DICER1: variants seen among roughly 807,000 people sequenced by gnomAD.
DICER1 encodes the protein dicer 1, ribonuclease III.
A neutral mutation model predicts 194.1 loss-of-function variants in DICER1; 43 were observed. The ratio of observed to expected loss-of-function variants is 0.22; its 90% CI spans 0.17 to 0.29. The LOEUF is 0.29. DICER1 is among the 10% of genes least tolerant of loss of function. The pLI is 1.00. For missense variants in DICER1, 1,608 were observed against 2,317.0 expected (o/e 0.69, Z 6.28); for synonymous variants, 832 against 820.5 (o/e 1.01, Z -0.24).
At chr14:95,121,897 T>G (rs1049374932) in intron 8 of DICER1, among the ~76,000 whole-genome samples, 3 of 152,202 alleles carry the variant, frequency 2.0e-5, no homozygotes, top group Non-Finnish European at 4.4e-5. Context: ...GTGATTTATT[T>G]TTTTTAATTA....
At chr14:95,148,709 CAGGCTGCAAGCCAA>C (rs1159547189) in intron 1 of DICER1, among the ~76,000 whole-genome samples, 3 of 152,180 alleles carry the variant, frequency 2.0e-5, no homozygotes, top group African/African-American at 7.2e-5. Context: ...GAAGTGTCTC[CAGGCTGCAAGCCAA>C]AGGTCCGCTT....
At position 95,154,920 on chromosome 14, in the gene DICER1, G is replaced by A. The variant is rs554515544; in HGVS notation, c.-46+2310C>T. 3.3e-5 allele frequency among the ~76,000 whole-genome samples: 5 copies of A among 150,306 alleles called. No homozygotes were observed. The South Asian group carries it at 8.4e-4, about 25-fold the overall frequency. On this transcript the variant is annotated intron_variant, in intron 1 of 26. Coordinates refer to ENST00000343455, the MANE Select transcript of DICER1 (RefSeq NM_177438.3). ...TATTCAAATAACCATTCATTCACCTGAACATTTAAGGTTAGACACAGCTTC... is the reference window on the plus strand; with the variant it reads ...TATTCAAATAACCATTCATTCACCTAAACATTTAAGGTTAGACACAGCTTC...
chr14:95,093,630 G>A (rs192235440), intron 24 of DICER1, among the ~76,000 whole-genome samples: 161 of 152,318 alleles, frequency 1.1e-3, no homozygotes, highest in African/African-American at 3.8e-3. Context: ...TCATGAAGGC[G>A]TGGGAAGGGT....
At chr14:95,155,742 G>A (rs1895811978) in intron 1 of DICER1, among the ~76,000 whole-genome samples, 3 of 152,196 alleles carry the variant, frequency 2.0e-5, no homozygotes, top group Non-Finnish European at 1.5e-5. Flanking sequence ...TTGGTGCCGT[G>A]AGTAAATCTA....
In DICER1 at chr14:95,091,081, G is replaced by A. The variant is rs745795376; in HGVS notation, c.5556C>T (p.Ser1852=). The A allele has an allele frequency of 3.7e-6, 6 of 1,613,800 alleles. No homozygotes were observed. In the African/African-American group the frequency reaches 8.0e-5, roughly 22 times the overall value. The part of the protein sequence containing the change: ...IEKFSANVPR[S]PVRELLEMEP... ...CCATTTCAAGCAATTCTCGCACAGG[G>A]GAACGGGGTACATTTGCAGAAAACT... is the stretch of plus-strand genomic sequence containing the variant. The change falls in exon 26 of 27, where the codon TCC becomes TCT. Residue 1852 remains serine (S), a synonymous_variant. Transcript: ENST00000343455.
chr14:95,101,002 CAAG>C (rs1380339497), intron 21 of DICER1, among the ~76,000 whole-genome samples: 1 of 152,086 alleles, frequency 6.6e-6, no homozygotes, highest in Non-Finnish European at 1.5e-5. Context: ...TCACAAGCGC[CAAG>C]AAGAGGATAA....
intron 1 of DICER1, among the ~76,000 whole-genome samples, chr14:95,139,774 T>A (rs1231223370): frequency 6.6e-6 from 1 of 152,204 alleles, no homozygotes; most frequent in Non-Finnish European, 1.5e-5. Flanking sequence ...GAGAGATGAG[T>A]GCAGGAGAGA....
intron 8 of DICER1, among the ~76,000 whole-genome samples, chr14:95,119,137 G>T (rs1892732853): frequency 6.6e-6 from 1 of 151,946 alleles, no homozygotes; most frequent in Admixed American, 6.5e-5. Context: ...ATATAAATAA[G>T]CATCAATTTG....
rs1595365092 is a variant in DICER1 at position 95,103,652 on chromosome 14, G to A, written c.3744C>T (p.Asn1248=). ...CAGGACTTCCATCTGAGGTAGATTTGTTAGCATTTCCATCAAGGTATTTAT... is the reference window on the plus strand; with the variant it reads ...CAGGACTTCCATCTGAGGTAGATTTATTAGCATTTCCATCAAGGTATTTAT... The part of the protein sequence containing the change: ...LSNKYLDGNA[N]KSTSDGSPVM... Residue 1248 remains asparagine (N), a synonymous_variant, in exon 21 of 27, where the codon AAC becomes AAT. Transcript: ENST00000343455. 1.9e-6 allele frequency: 3 copies of A among 1,614,080 alleles called. No homozygotes were observed. The highest frequency in any genetic ancestry group is 2.5e-6 in the Non-Finnish European group (3 of 1,180,044).
chr14:95,155,728 C>T (rs924552288), intron 1 of DICER1, among the ~76,000 whole-genome samples: 3 of 152,208 alleles, frequency 2.0e-5, no homozygotes, highest in Admixed American at 2.0e-4. Flanking sequence ...CTTAAAACAG[C>T]ATTTTGGTGC....
intron 8 of DICER1, among the ~76,000 whole-genome samples, chr14:95,118,505 T>C (rs1393110289): frequency 6.6e-6 from 1 of 152,180 alleles, no homozygotes; most frequent in Non-Finnish European, 1.5e-5. Flanking sequence ...CTGAGCTCTG[T>C]CTCTCTTCCT....
chr14:95,131,020 G>A (rs761642588), intron 4 of DICER1, among the ~76,000 whole-genome samples: 2 of 152,128 alleles, frequency 1.3e-5, no homozygotes, highest in Non-Finnish European at 2.9e-5. Flanking sequence ...ATAAAAATTA[G>A]TAATTTATTT....
rs769974404 is a variant in DICER1, at chr14:95,094,122, C to T, written c.5130G>A (p.Ala1710=). 19 of 1,614,110 alleles carry T rather than the reference C, an allele frequency of 1.2e-5. No homozygotes were observed. The highest frequency in any genetic ancestry group is 1.7e-5 in the Admixed American group (1 of 60,020). ...CYQRLEFLGD[A]ILDYLITKHL... The stretch of plus-strand genomic sequence containing the variant: ...GCTTGGTTATGAGGTAGTCCAAAAT[C>T]GCATCTCCCAGGAATTCTAAGCGCT... The change falls in exon 24 of 27, where the codon GCG becomes GCA. Residue 1710 remains alanine, a synonymous_variant. Coordinates refer to ENST00000343455, the MANE Select transcript of DICER1 (RefSeq NM_177438.3).
rs1382503187 is a variant in DICER1 at position 95,105,611 on chromosome 14, A to T, written c.3093+67T>A. 1 of 1,205,444 alleles carries T rather than the reference A, an allele frequency of 8.3e-7. No homozygotes were observed. The highest frequency in any genetic ancestry group is 1.2e-6 in the Non-Finnish European group (1 of 819,704). 74.7% of individuals were successfully genotyped at this position (1,205,444 alleles called of 1,614,324 possible). ...TTTAACTTGGTAAGATAAAATTCAA[A>T]CTTATCTTTAATAATCTTTAATACT... On this transcript the variant is annotated intron_variant, in intron 19 of 26. Transcript: ENST00000343455. The surrounding 1 kb of genome is among the most constrained non-coding windows in gnomAD (Gnocchi z 4.9).
intron 24 of DICER1, among the ~76,000 whole-genome samples, chr14:95,093,474 T>A (rs146064049): frequency 2.0e-5 from 3 of 152,254 alleles, no homozygotes; most frequent in Non-Finnish European, 2.9e-5. Context: ...TGTATATTTA[T>A]GATGCTTCCC....
At chr14:95,133,054 C>T (rs540103676) in intron 2 of DICER1, among the ~76,000 whole-genome samples, 1 of 152,230 alleles carries the variant, frequency 6.6e-6, no homozygotes, top group Admixed American at 6.5e-5. Context: ...AGGACAGACA[C>T]ATCCAAGTGA....
At chr14:95,102,388 C>G (rs1348044394) in intron 21 of DICER1, among the ~76,000 whole-genome samples, 1 of 152,188 alleles carries the variant, frequency 6.6e-6, no homozygotes, top group Non-Finnish European at 1.5e-5. Context: ...CTACAACATT[C>G]AAAACACGTG....
chr14:95,148,855 T>G (rs772020261), intron 1 of DICER1, among the ~76,000 whole-genome samples: 10 of 151,558 alleles, frequency 6.6e-5, no homozygotes. Flanking sequence ...TCAAGAGACA[T>G]AAATACTTAA....
At position 95,107,730 on chromosome 14, in the gene DICER1, A is replaced by G. The variant is rs760009604; in HGVS notation, c.2682T>C (p.Phe894=). The change falls in exon 17 of 27, where the codon TTT becomes TTC. Residue 894 remains phenylalanine (F), a synonymous_variant. Transcript: ENST00000343455. ...ACTTCTCAATATCTTCCATGAATTT[A>G]AAGTCAATATCCAAAGTGCTGGAGT... ...VNDSSTLDID[F]KFMEDIEKSE... is the part of the protein sequence containing the mutation. 3 of 1,613,940 alleles carry G rather than the reference A, an allele frequency of 1.9e-6. No individual in the cohort carries two copies.
Sources: allele counts gnomAD v4.1 joint callset (sites outside exome capture counted in the v4.1 genomes callset), GRCh38; gene constraint gnomAD v4.1.1; non-coding constraint Gnocchi (gnomAD v3.1); transcripts MANE v1.5; gene names NCBI Gene and HGNC (gene_info 2026-07-23, HGNC 2026-07-21).